FRAS1: variants seen among roughly 807,000 people sequenced by gnomAD.
FRAS1 encodes extracellular matrix organizing protein FRAS1.
A neutral mutation model predicts 435.2 loss-of-function variants in FRAS1; 290 were observed. The observed-to-expected ratio is 0.67, with a 90% CI of 0.61 to 0.73. The LOEUF (loss-of-function observed/expected upper bound fraction) is 0.73. Ranked by LOEUF, FRAS1 falls within the 30% of genes least tolerant of loss-of-function variation. The probability of loss-of-function intolerance (pLI) is 0.00; values close to 1 mark genes in which losing one functional copy is unlikely to be tolerated. For synonymous variants in FRAS1, 1,800 were observed against 1,851.0 expected, an observed-to-expected ratio of 0.97 and a Z score of 0.71; for missense variants, 4,860 against 5,001.5, an observed-to-expected ratio of 0.97 and a Z score of 0.85.
intron 40 of FRAS1, 133 bp from the exon 41 acceptor site, chr4:78,441,029 T>C: frequency 8.0e-6 from 6 of 754,286 alleles, no homozygotes; most frequent in Non-Finnish European, 1.3e-5. Flanking sequence ...ATCTCGTCTG[T>C]AGATGGTCTG....
chr4:78,201,263 A>G (rs1259502300), intron 2 of FRAS1, among the ~76,000 whole-genome samples: 1 of 152,226 alleles, frequency 6.6e-6, no homozygotes, highest in African/African-American at 2.4e-5. Context: ...TATTTAGTAA[A>G]TATGAAGATA....
intron 28 of FRAS1, among the ~76,000 whole-genome samples, chr4:78,386,464 A>G (rs1403643637): frequency 6.6e-6 from 1 of 152,178 alleles, no homozygotes; most frequent in Non-Finnish European, 1.5e-5. Flanking sequence ...CCACTATGTA[A>G]CTATTATAGT....
intron 64 of FRAS1, among the ~76,000 whole-genome samples, chr4:78,513,182 T>G (rs1331015266): frequency 6.6e-6 from 1 of 152,148 alleles, no homozygotes; most frequent in Non-Finnish European, 1.5e-5. Context: ...CTATCAGTCC[T>G]CTGTCTGGAG....
chr4:78,445,695 A>G lies in FRAS1; in HGVS notation c.5839A>G (p.Ile1947Val), dbSNP rs373012140. The G allele has an allele frequency of 1.9e-6, 3 of 1,613,980 alleles. No homozygotes were observed. The highest frequency in any genetic ancestry group is 1.3e-5 in the African/African-American group (1 of 75,054). Residue 1947 changes from isoleucine (I) to valine (V), a missense_variant, in exon 42 of 74, where the codon ATC (isoleucine) becomes GTC (valine). By Grantham distance (29) the Ile-to-Val change is conservative. Coordinates refer to ENST00000512123, the MANE Select transcript of FRAS1 (RefSeq NM_025074.7). ...DGTSRSEIHS[I>V]NITIERKNDE... ...AACCAGTCGTTCAGAAATTCACAGC[A>G]TCAATATCACCATTGAGGTAAAGAC...
chr4:78,417,954 G>C (rs1733617793), intron 32 of FRAS1, among the ~76,000 whole-genome samples: 1 of 152,210 alleles, frequency 6.6e-6, no homozygotes, highest in Non-Finnish European at 1.5e-5. Context: ...AGGGGCCCCA[G>C]CTCAGGCTAG....
chr4:78,494,316 C>T (rs577189941), intron 59 of FRAS1, among the ~76,000 whole-genome samples: 1 of 152,112 alleles, frequency 6.6e-6, no homozygotes, highest in East Asian at 1.9e-4. Flanking sequence ...TAAAGGAATA[C>T]CTGAGGCTGG....
intron 2 of FRAS1, among the ~76,000 whole-genome samples, chr4:78,230,440 T>C (rs1222549750): frequency 6.6e-6 from 1 of 152,186 alleles, no homozygotes; most frequent in East Asian, 1.9e-4. Flanking sequence ...ACATGAACTT[T>C]AAATTGAGAA....
intron 68 of FRAS1, 105 bp from the exon 69 acceptor site, chr4:78,522,544 A>G (rs1721417933): frequency 3.0e-6 from 3 of 988,212 alleles, no homozygotes; most frequent in Non-Finnish European, 4.5e-6. Flanking sequence ...GTTTGAGAGA[A>G]GAACATTAAT....
At position 78,373,689 on chromosome 4, in the gene FRAS1, C is replaced by T. The variant is rs377688482; in HGVS notation, c.3011-422C>T. The stretch of plus-strand genomic sequence containing the variant: ...CTACTCAGGAAGGCTAAGCCAGAAT[C>T]GCTTGAACCCGGGAGGCAGAGGTTG... On this transcript the variant is annotated intron_variant, in intron 24 of 73. Transcript: ENST00000512123. Among the ~76,000 whole-genome samples the T allele has an allele frequency of 4.0e-5, 6 of 151,878 alleles. No individual in the cohort carries two copies. The East Asian group carries it at 1.2e-3, about 29-fold the overall frequency.
In FRAS1 at chr4:78,520,408, AAAAAAATACAAGAGTTTTC is replaced by A. The variant is rs966145656; in HGVS notation, c.10540+928_10540+946del. Among the ~76,000 whole-genome samples, 368 of 151,860 alleles carry A rather than the reference AAAAAAATACAAGAGTTTTC, an allele frequency of 2.4e-3. 3 individuals carry two copies. The highest frequency in any genetic ancestry group is 8.4e-3 in the African/African-American group (349 of 41,442). On this transcript the variant is annotated intron_variant, in intron 67 of 73. Coordinates refer to ENST00000512123, the MANE Select transcript of FRAS1 (RefSeq NM_025074.7). ...TGCTTTATCTGGGGCAAACATACTA[AAAAAAATACAAGAGTTTTC>A]TTTTGAGAAAGCTTCATCTCTACTA...
At chr4:78,158,561 T>A (rs1008838146) in intron 2 of FRAS1, among the ~76,000 whole-genome samples, 5 of 152,158 alleles carry the variant, frequency 3.3e-5, no homozygotes, top group African/African-American at 1.2e-4. Flanking sequence ...AAAAGAGTGA[T>A]CACTAGTTAT....
intron 20 of FRAS1, among the ~76,000 whole-genome samples, chr4:78,347,285 A>C (rs996406272): frequency 1.3e-5 from 2 of 151,686 alleles, no homozygotes; most frequent in Non-Finnish European, 2.9e-5. Flanking sequence ...TGCTGCAAAA[A>C]CCCTAAGTGC....
rs775395472 is a variant in FRAS1 at position 78,375,753 on chromosome 4, T to G, written c.3166T>G (p.Cys1056Gly). 1 of 1,600,478 alleles carries G rather than the reference T, an allele frequency of 6.2e-7. No individual in the cohort carries two copies. The highest frequency in any genetic ancestry group is 1.1e-5 in the South Asian group (1 of 88,886). Residue 1056 changes from cysteine (C) to glycine (G), a missense_variant, in exon 26 of 74, where the codon TGC becomes GGC. Transcript: ENST00000512123. ...TTTTTTAATAGCCTGCCCTCAGGGG[T>G]GCTTGCAGTGCAGCCACAGGGACCG... is the stretch of plus-strand genomic sequence containing the variant. ...KHKCTACPQG[C>G]LQCSHRDRCH...
chr4:78,063,522 A>G (rs1355116600), intron 1 of FRAS1, among the ~76,000 whole-genome samples: 1 of 152,170 alleles, frequency 6.6e-6, no homozygotes. Flanking sequence ...CCCAAATTGA[A>G]TTAATTCCTT....
rs532435422 is a variant in FRAS1, at chr4:78,405,125, T to A, written c.4130-2538T>A. 3.3e-5 allele frequency among the ~76,000 whole-genome samples: 5 copies of A among 152,354 alleles called. No homozygotes were observed. In the South Asian group the frequency reaches 8.3e-4, roughly 25 times the overall value. ...TTAGCAAATATCTTACGATTCCTGT[T>A]AATCTGTATGACATGAAAGTGATTT... On this transcript the variant is annotated intron_variant, in intron 30 of 73. Coordinates refer to ENST00000512123, the MANE Select transcript of FRAS1 (RefSeq NM_025074.7).
chr4:78,407,617 C>T, intron 30 of FRAS1, 46 bp from the exon 31 acceptor site: 1 of 1,515,564 alleles, frequency 6.6e-7, no homozygotes, highest in Non-Finnish European at 8.9e-7. Context: ...AGGGCTCTGA[C>T]TTTTCCTAGG....
At chr4:78,182,007 T>G (rs1578171159) in intron 2 of FRAS1, 1 of 1,554,716 alleles carries the variant, frequency 6.4e-7, no homozygotes, top group Non-Finnish European at 8.6e-7. Flanking sequence ...AATCGGTTGG[T>G]GACCACACAG....
rs372398516 is a variant in FRAS1, at chr4:78,321,955, C to T, written c.2137+2969C>T. 4.5e-4 allele frequency among the ~76,000 whole-genome samples: 68 copies of T among 152,068 alleles called. 1 individual carries two copies. The East Asian group carries it at 9.3e-3, about 21-fold the overall frequency. On this transcript the variant is annotated intron_variant, in intron 18 of 73. Coordinates refer to ENST00000512123, the MANE Select transcript of FRAS1 (RefSeq NM_025074.7). ...CCTTGTAGCCCTGTGACTTTATGCT[C>T]GTTAACATAATATTATTAGATATCA...
chr4:78,298,223 T>A (rs559208282), intron 14 of FRAS1, among the ~76,000 whole-genome samples: 2 of 149,416 alleles, frequency 1.3e-5, no homozygotes, highest in East Asian at 3.9e-4. Flanking sequence ...AAATATAAGG[T>A]GTATTAAACA....
Sources: gnomAD v4.1 joint callset for allele counts (sites outside exome capture counted in the v4.1 genomes callset) on GRCh38, gnomAD v4.1.1 for gene constraint, MANE v1.5 for transcripts, NCBI Gene and HGNC (gene_info 2026-07-23, HGNC 2026-07-21) for gene names.